The following NOL4 variants were observed in gnomAD, a reference collection of about 807,000 sequenced individuals.
NOL4 encodes the protein cancer/testis antigen 125.
Under a neutral mutation model 75.9 loss-of-function variants are expected in NOL4, and 17 were observed. The observed-to-expected ratio is 0.22, with a 90% CI of 0.15 to 0.34. The LOEUF (loss-of-function observed/expected upper bound fraction) is 0.34. NOL4 is among the 10% of genes least tolerant of loss of function. The pLI, the probability that NOL4 is intolerant of heterozygous loss-of-function variation, is 1.00. For synonymous variants in NOL4, 292 were observed against 289.9 expected (o/e 1.01, Z -0.07); for missense variants, 614 against 793.5 (o/e 0.77, Z 2.72).
chr18:33,898,434 A>C (rs1285045567), intron 9 of NOL4, among the ~76,000 whole-genome samples: 3 of 152,086 alleles, frequency 2.0e-5, no homozygotes, highest in Non-Finnish European at 4.4e-5. Flanking sequence ...TTGGTATTAA[A>C]TTTATTTCCT....
Position 33,883,097 on chromosome 18 carries a change from C to A in NOL4, c.1723+147G>T, listed in dbSNP as rs185366269. ...GGGAGCGATAGCATTGGGAGATATC[C>A]CTAATGCTAGATGATGAGTTAGTGG... is the stretch of plus-strand genomic sequence containing the variant. On this transcript the variant is annotated intron_variant, in intron 10 of 10. Coordinates refer to ENST00000261592, the MANE Select transcript of NOL4 (RefSeq NM_003787.5). 1.4e-4 allele frequency: 70 copies of A among 512,154 alleles called. No homozygotes were observed. The East Asian group carries it at 2.3e-3, about 17-fold the overall frequency. The allele number at this position is 512,154 out of a possible 1,614,324, so 31.7% of individuals were successfully genotyped here. A position where few individuals can be genotyped will look rare whatever the true frequency, so the allele number is the denominator to read the frequency against.
chr18:34,107,977 C>T (rs1474450130), intron 2 of NOL4, among the ~76,000 whole-genome samples: 1 of 152,074 alleles, frequency 6.6e-6, no homozygotes, highest in Non-Finnish European at 1.5e-5. Context: ...CTCCCTCAAA[C>T]CCATGCAGCA....
At position 33,982,730 on chromosome 18, in the gene NOL4, C is replaced by T. The variant is rs2072066520; in HGVS notation, c.1057-24312G>A. On this transcript the variant is annotated intron_variant, in intron 6 of 10. Transcript: ENST00000261592. ...GATGTGTAAATAAACTGTGGTATATCCAGACAATGGGATTTTTTTTTTTTT... is the reference window on the plus strand; with the variant it reads ...GATGTGTAAATAAACTGTGGTATATTCAGACAATGGGATTTTTTTTTTTTT... Among the ~76,000 whole-genome samples, 4 of 149,920 alleles carry T rather than the reference C, an allele frequency of 2.7e-5. No homozygotes were observed. In the South Asian group the frequency reaches 8.5e-4, roughly 32 times the overall value.
At chr18:33,886,922 A>ATAT (rs2064733384) in intron 9 of NOL4, among the ~76,000 whole-genome samples, 8 of 115,340 alleles carry the variant, frequency 6.9e-5, no homozygotes, top group African/African-American at 2.5e-4. Flanking sequence ...CTATATACAT[A>ATAT]TATATCTATA....
At chr18:34,188,995 T>C (rs79969852) in intron 1 of NOL4, among the ~76,000 whole-genome samples, 1 of 152,176 alleles carries the variant, frequency 6.6e-6, no homozygotes, top group Non-Finnish European at 1.5e-5. Flanking sequence ...TATCAAAGAC[T>C]TCCAAGAACC....
At chr18:33,967,057 C>T (rs2070662835) in intron 6 of NOL4, among the ~76,000 whole-genome samples, 1 of 152,256 alleles carries the variant, frequency 6.6e-6, no homozygotes, top group Non-Finnish European at 1.5e-5. Context: ...AGAGGCATCA[C>T]ACTACCTGAT....
At chr18:34,161,507 T>C (rs1301542287) in intron 1 of NOL4, among the ~76,000 whole-genome samples, 28 of 152,154 alleles carry the variant, frequency 1.8e-4, no homozygotes, top group Non-Finnish European at 5.9e-5. Context: ...TCTCCAGCAT[T>C]TCTTGTTGTC....
At chr18:33,959,133 C>A (rs1311404568) in intron 6 of NOL4, among the ~76,000 whole-genome samples, 1 of 152,028 alleles carries the variant, frequency 6.6e-6, no homozygotes, top group South Asian at 2.1e-4. Context: ...AAATTTAAAG[C>A]AAGAACAATT....
At chr18:34,071,438 G>GACACACACACACACAC (rs61428886) in intron 5 of NOL4, among the ~76,000 whole-genome samples, 87 of 147,798 alleles carry the variant, frequency 5.9e-4, no homozygotes, top group African/African-American at 1.6e-3. Context: ...CAGACAGACA[G>GACACACACACACACAC]ACACACACAC....
chr18:34,223,373 G>A lies in NOL4; in HGVS notation c.-120C>T. The A allele has an allele frequency of 7.0e-7, 1 of 1,435,276 alleles. No homozygotes were observed. The highest frequency in any genetic ancestry group is 9.3e-7 in the Non-Finnish European group (1 of 1,071,552). The allele number at this position is 1,435,276 out of a possible 1,614,324, so 88.9% of individuals were successfully genotyped here. A position where few individuals can be genotyped will look rare whatever the true frequency, so the allele number is the denominator to read the frequency against. On this transcript the variant is annotated 5_prime_UTR_variant, in exon 1 of 11. Transcript: ENST00000261592. ...GGGATGCGAGGTCCCGGCCGCAGCG[G>A]GAGCCTGCTTTGGGTGGGGGAAGGG...
chr18:34,162,151 A>T (rs973291032), intron 1 of NOL4, among the ~76,000 whole-genome samples: 1 of 152,110 alleles, frequency 6.6e-6, no homozygotes, highest in Non-Finnish European at 1.5e-5. Flanking sequence ...AAGACTGTGT[A>T]TAAACCTAAC....
chr18:33,936,132 A>C (rs1279913905), intron 9 of NOL4, among the ~76,000 whole-genome samples: 1 of 152,180 alleles, frequency 6.6e-6, no homozygotes, highest in African/African-American at 2.4e-5. Flanking sequence ...ACCATGTCTT[A>C]ATCATGGTAT....
At chr18:34,134,889 A>G (rs1385583600) in intron 1 of NOL4, among the ~76,000 whole-genome samples, 1 of 152,220 alleles carries the variant, frequency 6.6e-6, no homozygotes, top group African/African-American at 2.4e-5. Flanking sequence ...AAGGAAAACT[A>G]GAAATACTTT....
intron 5 of NOL4, among the ~76,000 whole-genome samples, chr18:34,067,693 G>A (rs537682645): frequency 7.9e-5 from 12 of 152,240 alleles, no homozygotes; most frequent in East Asian, 7.7e-4. Context: ...TCTTTTGGTC[G>A]GAGCATCTGG....
chr18:34,175,872 A>C (rs1221345949), intron 1 of NOL4, among the ~76,000 whole-genome samples: 1 of 152,164 alleles, frequency 6.6e-6, no homozygotes, highest in Non-Finnish European at 1.5e-5. Flanking sequence ...GAGAGACAAG[A>C]ATCTCATTCT....
At chr18:33,996,154 T>G (rs2073267784) in intron 6 of NOL4, among the ~76,000 whole-genome samples, 1 of 151,714 alleles carries the variant, frequency 6.6e-6, no homozygotes, top group Non-Finnish European at 1.5e-5. Context: ...GTCCTGGAGA[T>G]TCTAGCTAGT....
At chr18:34,164,333 A>C (rs1171783424) in intron 1 of NOL4, among the ~76,000 whole-genome samples, 1 of 152,150 alleles carries the variant, frequency 6.6e-6, no homozygotes, top group Non-Finnish European at 1.5e-5. Flanking sequence ...AATTTTCACA[A>C]CCTACTCATC....
chr18:34,114,419 A>G (rs961226810), intron 2 of NOL4, among the ~76,000 whole-genome samples: 1 of 152,212 alleles, frequency 6.6e-6, no homozygotes, highest in African/African-American at 2.4e-5. Flanking sequence ...CACAACTTCC[A>G]TGTGACAAAC....
intron 1 of NOL4, among the ~76,000 whole-genome samples, chr18:34,138,327 A>G (rs1175764117): frequency 6.6e-6 from 1 of 152,174 alleles, no homozygotes; most frequent in African/African-American, 2.4e-5. Context: ...ACTTGAGCCC[A>G]TAAGGTTGAA....
Sources: gnomAD v4.1 joint callset for allele counts (sites outside exome capture counted in the v4.1 genomes callset) on GRCh38, gnomAD v4.1.1 for gene constraint, MANE v1.5 for transcripts, NCBI Gene and HGNC (gene_info 2026-07-23, HGNC 2026-07-21) for gene names.